The following P3H2 variants were observed in gnomAD, a reference collection of about 807,000 sequenced individuals.
P3H2 encodes prolyl 3-hydroxylase 2.
A neutral mutation model predicts 87.0 loss-of-function variants in P3H2; 80 were observed. That is an observed-to-expected ratio of 0.92 (90% CI 0.77 to 1.11). The LOEUF (loss-of-function observed/expected upper bound fraction) is 1.11. Ranked by LOEUF, P3H2 falls within the 50% of genes least tolerant of loss-of-function variation. The pLI, the probability that P3H2 is intolerant of heterozygous loss-of-function variation, is 0.00. For missense variants in P3H2, 1,001 were observed against 923.9 expected, an observed-to-expected ratio of 1.08 and a Z score of -1.08; for synonymous variants, 367 against 359.3, an observed-to-expected ratio of 1.02 and a Z score of -0.24.
At chr3:190,090,425 C>T (rs1053920582) in intron 1 of P3H2, among the ~76,000 whole-genome samples, 1 of 152,020 alleles carries the variant, frequency 6.6e-6, no homozygotes, top group Non-Finnish European at 1.5e-5. Flanking sequence ...ACCTATTGGC[C>T]GCGCACGGTG....
chr3:189,986,302 T>C lies in P3H2; in HGVS notation c.1188+486A>G, dbSNP rs192929335. 7.5e-3 allele frequency among the ~76,000 whole-genome samples: 1,146 copies of C among 152,276 alleles called. 9 individuals carry two copies. The highest frequency in any genetic ancestry group is 0.021 in the South Asian group (99 of 4,828). On this transcript the variant is annotated intron_variant, in intron 6 of 14. Coordinates refer to ENST00000319332, the MANE Select transcript of P3H2 (RefSeq NM_018192.4). ...CATTAGTCTTTTAAAGTTCATCAGA[T>C]GGCCGGGTGCGGCGGCTCAAGCCTG...
intron 1 of P3H2, among the ~76,000 whole-genome samples, chr3:190,080,477 C>T (rs1486583243): frequency 6.6e-6 from 1 of 151,910 alleles, no homozygotes; most frequent in East Asian, 1.9e-4. Flanking sequence ...CTTGGCTCAC[C>T]GCAACCTCTG....
chr3:190,023,048 G>A (rs560424657), intron 1 of P3H2, among the ~76,000 whole-genome samples: 5 of 152,052 alleles, frequency 3.3e-5, no homozygotes, highest in Admixed American at 6.5e-5. Flanking sequence ...GGATGGTCTC[G>A]ATCTCCTGAC....
chr3:190,002,643 C>A (rs1724253476), intron 1 of P3H2, among the ~76,000 whole-genome samples: 1 of 152,172 alleles, frequency 6.6e-6, no homozygotes, highest in South Asian at 2.1e-4. Context: ...TCGTGATCCG[C>A]CCACCTTGGC....
intron 12 of P3H2, 41 bp from the exon 13 acceptor site, chr3:189,970,932 T>TCTCATAAGCA: frequency 1.8e-6 from 2 of 1,105,344 alleles, no homozygotes; most frequent in Non-Finnish European, 2.8e-6. Context: ...TATTATATGC[T>TCTCATAAGCA]TATGAGAGCA....
intron 1 of P3H2, among the ~76,000 whole-genome samples, chr3:190,068,253 G>C (rs1347438928): frequency 6.6e-6 from 1 of 152,022 alleles, no homozygotes; most frequent in Non-Finnish European, 1.5e-5. Context: ...AATCAATCTG[G>C]TTGAATTTCA....
chr3:190,020,275 A>C (rs1400769229), intron 1 of P3H2, among the ~76,000 whole-genome samples: 1 of 134,650 alleles, frequency 7.4e-6, no homozygotes, highest in Non-Finnish European at 1.7e-5. Context: ...TTAGCACACG[A>C]ATGTGTGATC....
At chr3:190,027,514 A>G (rs553980224) in intron 1 of P3H2, among the ~76,000 whole-genome samples, 223 of 152,298 alleles carry the variant, frequency 1.5e-3, no homozygotes, top group Non-Finnish European at 2.5e-3. Flanking sequence ...TTATAGAGAA[A>G]GAGGTCATTA....
chr3:189,981,256 T>C (rs1723524627), intron 8 of P3H2, among the ~76,000 whole-genome samples: 1 of 152,212 alleles, frequency 6.6e-6, no homozygotes, highest in East Asian at 1.9e-4. Context: ...GTCAGAAGTA[T>C]AGGTAACAAC....
chr3:190,095,824 G>A (rs547771408), intron 1 of P3H2, among the ~76,000 whole-genome samples: 9 of 151,892 alleles, frequency 5.9e-5, no homozygotes, highest in Non-Finnish European at 8.8e-5. Flanking sequence ...GGATGGTCTC[G>A]ATCTCCTGAC....
At chr3:190,101,208 T>G (rs1282176771) in intron 1 of P3H2, among the ~76,000 whole-genome samples, 18 of 151,736 alleles carry the variant, frequency 1.2e-4, no homozygotes, top group Admixed American at 1.2e-3. Flanking sequence ...TTAGGCCAAT[T>G]AATAATCCCA....
intron 1 of P3H2, among the ~76,000 whole-genome samples, chr3:190,074,057 G>T (rs1355586392): frequency 6.6e-6 from 1 of 152,142 alleles, no homozygotes; most frequent in Non-Finnish European, 1.5e-5. Flanking sequence ...CTGTAAGTTA[G>T]GACACTTGGA....
At chr3:190,112,255 C>A (rs1340155409) in intron 1 of P3H2, among the ~76,000 whole-genome samples, 2 of 152,180 alleles carry the variant, frequency 1.3e-5, no homozygotes, top group Non-Finnish European at 2.9e-5. Context: ...ACTCGATTCT[C>A]TTTTGAGCTT....
intron 1 of P3H2, among the ~76,000 whole-genome samples, chr3:190,003,456 T>C (rs1205600682): frequency 6.6e-6 from 1 of 151,476 alleles, no homozygotes; most frequent in Non-Finnish European, 1.5e-5. Flanking sequence ...ACATACTATT[T>C]CCGATTAGAG....
intron 1 of P3H2, among the ~76,000 whole-genome samples, chr3:190,023,541 G>A (rs559354742): frequency 2.0e-5 from 3 of 152,294 alleles, no homozygotes; most frequent in Non-Finnish European, 2.9e-5. Context: ...CAGATCTTGT[G>A]AGAACTCACT....
At chr3:190,085,328 C>A (rs1727176016) in intron 1 of P3H2, among the ~76,000 whole-genome samples, 1 of 152,280 alleles carries the variant, frequency 6.6e-6, no homozygotes, top group East Asian at 1.9e-4. Flanking sequence ...AAAATTATGA[C>A]ATTTCTGTTT....
At chr3:190,023,853 A>G (rs1725006490) in intron 1 of P3H2, among the ~76,000 whole-genome samples, 1 of 152,252 alleles carries the variant, frequency 6.6e-6, no homozygotes, top group African/African-American at 2.4e-5. Flanking sequence ...TGTTAGGTTT[A>G]ATGTACTAAT....
At chr3:190,040,434 T>C (rs576898606) in intron 1 of P3H2, among the ~76,000 whole-genome samples, 9 of 152,324 alleles carry the variant, frequency 5.9e-5, no homozygotes, top group Non-Finnish European at 1.0e-4. Flanking sequence ...AAGCAGCTTG[T>C]TCCATCAGAG....
intron 1 of P3H2, among the ~76,000 whole-genome samples, chr3:190,119,914 G>A (rs978634980): frequency 6.6e-6 from 1 of 152,158 alleles, no homozygotes; most frequent in South Asian, 2.1e-4. Context: ...AAGAGAAATG[G>A]GAAGTGAGAA....
Sources: allele counts gnomAD v4.1 joint callset (sites outside exome capture counted in the v4.1 genomes callset), GRCh38; gene constraint gnomAD v4.1.1; transcripts MANE v1.5; gene names NCBI Gene and HGNC (gene_info 2026-07-23, HGNC 2026-07-21).